Variants in NWD2 observed in about 807,000 individuals in gnomAD.
NWD2 encodes the protein NACHT and WD repeat domain-containing protein 2.
Under a neutral mutation model 132.7 loss-of-function variants are expected in NWD2, and 37 were observed. The ratio of observed to expected loss-of-function variants is 0.28; its 90% CI spans 0.21 to 0.37. The LOEUF (loss-of-function observed/expected upper bound fraction) is 0.37, where lower values mean the gene tolerates loss of function less well. NWD2 is among the 10% of genes least tolerant of loss of function. The pLI is 1.00. For missense variants in NWD2, 1,592 were observed against 2,122.4 expected, an observed-to-expected ratio of 0.75 and a Z score of 4.91; for synonymous variants, 705 against 803.0, an observed-to-expected ratio of 0.88 and a Z score of 2.06.
At position 37,428,481 on chromosome 4, in the gene NWD2, T is replaced by C. The variant is rs547303209; in HGVS notation, c.358-2091T>C. ...GATGAAGATTAATTGAAATACCAAG[T>C]GCTATATAAGCTAATAGTTTTATTA... On this transcript the variant is annotated intron_variant, in intron 3 of 6. Transcript: ENST00000309447. Among the ~76,000 whole-genome samples, 9 of 152,354 alleles carry C rather than the reference T, an allele frequency of 5.9e-5. No homozygotes were observed. The South Asian group carries it at 1.9e-3, about 32-fold the overall frequency.
intron 1 of NWD2, among the ~76,000 whole-genome samples, chr4:37,259,658 C>T (rs1213528257): frequency 6.6e-6 from 1 of 152,178 alleles, no homozygotes; most frequent in Non-Finnish European, 1.5e-5. Flanking sequence ...TTTACCCCAG[C>T]TTGACAGGGC....
chr4:37,424,280 A>G (rs945882426), intron 3 of NWD2, among the ~76,000 whole-genome samples: 1 of 152,154 alleles, frequency 6.6e-6, no homozygotes, highest in Non-Finnish European at 1.5e-5. Context: ...ACTCTAAGAT[A>G]CTCTCAGAAG....
intron 1 of NWD2, among the ~76,000 whole-genome samples, chr4:37,266,084 G>A (rs987390075): frequency 3.3e-5 from 5 of 151,830 alleles, no homozygotes; most frequent in African/African-American, 9.7e-5. Context: ...CTCTGTCTTC[G>A]TTGGTGAGTT....
In NWD2 at chr4:37,319,956, A is replaced by G. The variant is rs185511765; in HGVS notation, c.152-5980A>G. 1.4e-4 allele frequency among the ~76,000 whole-genome samples: 21 copies of G among 152,278 alleles called. No individual in the cohort carries two copies. The East Asian group carries it at 2.7e-3, about 20-fold the overall frequency. On this transcript the variant is annotated intron_variant, in intron 1 of 6. Transcript: ENST00000309447. ...TTGCTTAGGATTGCTTTGGCCATTC[A>G]GTCCCTTTTCTGATTCTGTATGAAT...
chr4:37,448,644 A>T lies in NWD2; in HGVS notation c.*1427A>T, dbSNP rs1334234276. On this transcript the variant is annotated 3_prime_UTR_variant, in exon 7 of 7. Transcript: ENST00000309447. ...TTAGAAAGTAGAGAAGTAACACTTT[A>T]CTAGAATAATGAACAAGGAATTGAT... 6.6e-6 allele frequency: 1 copy of T among 152,208 alleles called. No homozygotes were observed. The highest frequency in any genetic ancestry group is 2.4e-5 in the African/African-American group (1 of 41,462). The allele number at this position is 152,208 out of a possible 1,614,324, so 9.4% of individuals were successfully genotyped here.
intron 3 of NWD2, among the ~76,000 whole-genome samples, chr4:37,427,266 T>G (rs1200897275): frequency 6.6e-6 from 1 of 152,196 alleles, no homozygotes; most frequent in African/African-American, 2.4e-5. Context: ...CATTAAAACC[T>G]CATTCTTAGT....
chr4:37,285,226 A>G (rs1038618613), intron 1 of NWD2, among the ~76,000 whole-genome samples: 6 of 152,146 alleles, frequency 3.9e-5, no homozygotes, highest in Non-Finnish European at 7.4e-5. Flanking sequence ...CCAACACACT[A>G]TGTAACTTTT....
intron 2 of NWD2, among the ~76,000 whole-genome samples, chr4:37,335,642 G>A (rs1719392738): frequency 6.6e-6 from 1 of 151,926 alleles, no homozygotes; most frequent in Non-Finnish European, 1.5e-5. Flanking sequence ...CAGATCAGCG[G>A]TGGCATTAGA....
chr4:37,312,120 T>C (rs201471688), intron 1 of NWD2, among the ~76,000 whole-genome samples: 9,446 of 149,616 alleles, frequency 0.063, 942 homozygotes, highest in African/African-American at 0.21. Flanking sequence ...GGGCTCTTTT[T>C]TGGTTCCATA....
chr4:37,353,825 A>G (rs187300633), intron 2 of NWD2, among the ~76,000 whole-genome samples: 4 of 152,078 alleles, frequency 2.6e-5, no homozygotes, highest in African/African-American at 9.6e-5. Flanking sequence ...GTTATTACCC[A>G]TCTTCCGAAG....
At chr4:37,284,363 T>C (rs905702042) in intron 1 of NWD2, among the ~76,000 whole-genome samples, 2 of 152,176 alleles carry the variant, frequency 1.3e-5, no homozygotes, top group African/African-American at 4.8e-5. Flanking sequence ...TGAGAGTAAT[T>C]GAACATATGA....
intron 4 of NWD2, 23 bp downstream of exon 4, chr4:37,430,798 C>T (rs1405398436): frequency 1.3e-6 from 2 of 1,536,920 alleles, no homozygotes; most frequent in African/African-American, 1.4e-5. Context: ...TCCCTCAAGC[C>T]TATGGATCTG....
intron 3 of NWD2, among the ~76,000 whole-genome samples, chr4:37,389,536 C>T (rs1720638978): frequency 6.6e-6 from 1 of 152,132 alleles, no homozygotes; most frequent in South Asian, 2.1e-4. Context: ...ACAATGGCTG[C>T]AGTTGACTGA....
chr4:37,260,334 C>T (rs1467412612), intron 1 of NWD2, among the ~76,000 whole-genome samples: 1 of 152,128 alleles, frequency 6.6e-6, no homozygotes, highest in South Asian at 2.1e-4. Flanking sequence ...AGGTGGTTGA[C>T]AAACAGGTTC....
At chr4:37,369,923 T>C (rs929443419) in intron 3 of NWD2, among the ~76,000 whole-genome samples, 1 of 152,198 alleles carries the variant, frequency 6.6e-6, no homozygotes, top group African/African-American at 2.4e-5. Context: ...TTCTCCATTG[T>C]ATGGCCCTTT....
At chr4:37,406,601 C>T (rs1293091456) in intron 3 of NWD2, among the ~76,000 whole-genome samples, 1 of 152,146 alleles carries the variant, frequency 6.6e-6, no homozygotes, top group Non-Finnish European at 1.5e-5. Context: ...CTATGGAATA[C>T]TATGCAGCCA....
At chr4:37,252,054 G>A (rs1717385432) in intron 1 of NWD2, among the ~76,000 whole-genome samples, 1 of 152,196 alleles carries the variant, frequency 6.6e-6, no homozygotes, top group East Asian at 1.9e-4. Flanking sequence ...TCGAGGTGTG[G>A]AGGGGGTCAG....
In NWD2 at chr4:37,313,465, G is replaced by A. The variant is rs184814301; in HGVS notation, c.152-12471G>A. On this transcript the variant is annotated intron_variant, in intron 1 of 6. Coordinates refer to ENST00000309447, the MANE Select transcript of NWD2 (RefSeq NM_001144990.2). ...TGGTAGTTTGTATTTCTGTGGGATCGGTGGTGATATCCCCTTTATCATTTT... is the reference window on the plus strand; with the variant it reads ...TGGTAGTTTGTATTTCTGTGGGATCAGTGGTGATATCCCCTTTATCATTTT... Among the ~76,000 whole-genome samples, 751 of 150,934 alleles carry A rather than the reference G, an allele frequency of 5.0e-3. 9 individuals are homozygous for A. The highest frequency in any genetic ancestry group is 0.012 in the South Asian group (56 of 4,806).
intron 1 of NWD2, among the ~76,000 whole-genome samples, chr4:37,313,521 TTTTC>T (rs1264192727): frequency 1.3e-5 from 2 of 150,508 alleles, no homozygotes; most frequent in Non-Finnish European, 2.9e-5. Flanking sequence ...TTCTGTCTTT[TTTTC>T]TTTATTAGTC....
Sources: gnomAD v4.1 joint callset for allele counts (sites outside exome capture counted in the v4.1 genomes callset) on GRCh38, gnomAD v4.1.1 for gene constraint, MANE v1.5 for transcripts, NCBI Gene and HGNC (gene_info 2026-07-23, HGNC 2026-07-21) for gene names.